ARHGEF10: variants seen among roughly 807,000 people sequenced by gnomAD.
ARHGEF10 encodes the protein Rho guanine nucleotide exchange factor 10.
ARHGEF10 carries 140 observed loss-of-function variants against 147.4 expected under a neutral mutation model. That is an observed-to-expected ratio of 0.95 (90% CI 0.83 to 1.09). ARHGEF10 has a LOEUF of 1.09. Among genes scored for constraint, ARHGEF10 ranks in the 50% least tolerant of loss-of-function variants. ARHGEF10 has a pLI of 0.00. For missense variants in ARHGEF10, 2,222 were observed against 1,752.7 expected (o/e 1.27, Z -4.78); for synonymous variants, 902 against 695.8 (o/e 1.30, Z -4.67).
chr8:1,929,252 A>G, intron 24 of ARHGEF10, 34 bp from the exon 25 acceptor site: 1 of 1,609,738 alleles, frequency 6.2e-7, no homozygotes, highest in Non-Finnish European at 8.5e-7. Context: ...ACAACGAGCA[A>G]ATATATTTAT....
chr8:1,842,756 T>C (rs10102997), intron 1 of ARHGEF10, among the ~76,000 whole-genome samples: 61,352 of 152,124 alleles, frequency 0.4, 13,551 homozygotes, highest in Non-Finnish European at 0.5. Flanking sequence ...CGCTGGCATC[T>C]AGCTCACACT....
chr8:1,956,864 C>T lies in ARHGEF10; in HGVS notation c.3636C>T (p.Pro1212=), dbSNP rs756054028. Reference sequence around the variant, plus strand: ...CCAGGGACAGCCTGGCTCCTGGCCCCGAGCCTCAGGACGAAGACCAGAAGG... The same window carrying T: ...CCAGGGACAGCCTGGCTCCTGGCCCTGAGCCTCAGGACGAAGACCAGAAGG... ...DKSRDSLAPG[P]EPQDEDQKDA... The change falls in exon 29 of 29, where the codon CCC becomes CCT. Residue 1212 remains proline (P), a synonymous_variant. Coordinates refer to ENST00000349830, the MANE Select transcript of ARHGEF10 (RefSeq NM_014629.4). 75 of 1,613,886 alleles carry T rather than the reference C, an allele frequency of 4.6e-5. No homozygotes were observed. Among genetic ancestry groups the T allele is most frequent in the East Asian group, 6.7e-5 (3 of 44,884 alleles).
At chr8:1,891,167 A>G (rs951834429) in intron 11 of ARHGEF10, among the ~76,000 whole-genome samples, 7 of 152,132 alleles carry the variant, frequency 4.6e-5, no homozygotes, top group Non-Finnish European at 1.0e-4. Flanking sequence ...TGGGATTACG[A>G]TTAGAAACTT....
At chr8:1,840,729 A>G (rs1585228936) in intron 1 of ARHGEF10, among the ~76,000 whole-genome samples, 1 of 152,108 alleles carries the variant, frequency 6.6e-6, no homozygotes, top group Non-Finnish European at 1.5e-5. Context: ...CCCTACATTC[A>G]CTGTTGTGGT....
intron 1 of ARHGEF10, among the ~76,000 whole-genome samples, chr8:1,832,522 A>C (rs1260602125): frequency 8.5e-6 from 1 of 117,442 alleles, no homozygotes; most frequent in Non-Finnish European, 1.8e-5. Context: ...ACAGAGACAG[A>C]GGTAGAGAGA....
intron 2 of ARHGEF10, among the ~76,000 whole-genome samples, chr8:1,846,461 C>A (rs756611561): frequency 1.2e-4 from 18 of 152,228 alleles, no homozygotes; most frequent in Non-Finnish European, 2.4e-4. Context: ...GAAGTTACTG[C>A]GACCTCATTT....
At chr8:1,900,680 G>C (rs892324293) in intron 15 of ARHGEF10, among the ~76,000 whole-genome samples, 6 of 152,164 alleles carry the variant, frequency 3.9e-5, no homozygotes, top group Non-Finnish European at 8.8e-5. Context: ...AAATATTTAA[G>C]TTCTCTGAGG....
chr8:1,886,011 G>A (rs1049817582), intron 11 of ARHGEF10, among the ~76,000 whole-genome samples: 1 of 152,156 alleles, frequency 6.6e-6, no homozygotes, highest in African/African-American at 2.4e-5. Flanking sequence ...CATTCTTCGT[G>A]GGAGTCAGTC....
chr8:1,830,025 T>C (rs1802992950), intron 1 of ARHGEF10, among the ~76,000 whole-genome samples: 1 of 152,166 alleles, frequency 6.6e-6, no homozygotes, highest in Admixed American at 6.5e-5. Context: ...GGCTCCGAAG[T>C]GCTCTCTGCC....
intron 14 of ARHGEF10, 78 bp downstream of exon 14, chr8:1,896,527 A>G (rs1809989113): frequency 9.9e-7 from 1 of 1,005,314 alleles, no homozygotes; most frequent in Non-Finnish European, 1.6e-6. Flanking sequence ...CTCTGAATGC[A>G]GTTATTCGTT....
intron 2 of ARHGEF10, among the ~76,000 whole-genome samples, chr8:1,848,658 A>G (rs907245359): frequency 1.3e-5 from 2 of 152,226 alleles, no homozygotes; most frequent in African/African-American, 4.8e-5. Flanking sequence ...ATTACAATGC[A>G]TGTTAATTGT....
At chr8:1,909,241 C>T (rs568771540) in intron 17 of ARHGEF10, 54 bp from the exon 18 acceptor site, 1 of 1,605,470 alleles carries the variant, frequency 6.2e-7, no homozygotes, top group Non-Finnish European at 8.5e-7. Flanking sequence ...ATGAACATTA[C>T]CATAACGTGT....
intron 16 of ARHGEF10, among the ~76,000 whole-genome samples, chr8:1,904,506 G>C (rs912651878): frequency 3.9e-5 from 6 of 152,170 alleles, no homozygotes; most frequent in Admixed American, 2.0e-4. Context: ...AGTGGTTTAT[G>C]TAGGAACGTT....
At chr8:1,856,376 T>A (rs115817642) in intron 2 of ARHGEF10, among the ~76,000 whole-genome samples, 268 of 152,322 alleles carry the variant, frequency 1.8e-3, no homozygotes, top group African/African-American at 6.1e-3. Context: ...CTTGCAGTGG[T>A]AGCTGGATCC....
At chr8:1,929,153 G>T in intron 24 of ARHGEF10, 133 bp from the exon 25 acceptor site, 1 of 978,106 alleles carries the variant, frequency 1.0e-6, no homozygotes, top group South Asian at 1.5e-5. Context: ...TAAAAGTACT[G>T]GCAAGTGTCC....
chr8:1,928,277 A>G, intron 23 of ARHGEF10, 150 bp from the exon 24 acceptor site: 2 of 745,896 alleles, frequency 2.7e-6, no homozygotes, highest in Non-Finnish European at 2.3e-6. Flanking sequence ...TCTGTGAGCA[A>G]TTGTTTAAGA....
At position 1,833,329 on chromosome 8, in the gene ARHGEF10, G is replaced by GAAGC. The variant is rs1803370628; in HGVS notation, c.-48+9217_-48+9218insAGCA. Among the ~76,000 whole-genome samples, 3 of 88,324 alleles carry GAAGC rather than the reference G, an allele frequency of 3.4e-5. 1 individual carries two copies. Among genetic ancestry groups the GAAGC allele is most frequent in the Middle Eastern group, 7.9e-3 (1 of 126 alleles). The allele number at this position is 88,324 out of a possible 152,430, so 57.9% of individuals were successfully genotyped here. Reference sequence around the variant, plus strand: ...GCAGAGACAGAAGCAGAGGGAGACAGAGACAGAGGCAGAGACAGAGGCAGA... The same window carrying GAAGC: ...GCAGAGACAGAAGCAGAGGGAGACAGAAGCAGACAGAGGCAGAGACAGAGGCAGA... On this transcript the variant is annotated intron_variant, in intron 1 of 28. Transcript: ENST00000349830.
At chr8:1,929,613 A>G (rs1204558890) in intron 25 of ARHGEF10, among the ~76,000 whole-genome samples, 170 bp downstream of exon 25, 2 of 151,968 alleles carry the variant, frequency 1.3e-5, no homozygotes, top group African/African-American at 4.8e-5. Flanking sequence ...TTCTTCCCCA[A>G]AAGGTGTTTG....
rs867010964 is a variant in ARHGEF10, at chr8:1,919,408, G to A, written c.2144-3556G>A. ...TGATGGAGCTGTTCCATGGATGATG[G>A]AGCTGTTCCTTGGGTGATGGAGCTG... On this transcript the variant is annotated intron_variant, in intron 18 of 28. Transcript: ENST00000349830. Among the ~76,000 whole-genome samples, 4 of 146,906 alleles carry A rather than the reference G, an allele frequency of 2.7e-5. No homozygotes were observed. The South Asian group carries it at 8.9e-4, about 33-fold the overall frequency.
Sources: gnomAD v4.1 joint callset for allele counts (sites outside exome capture counted in the v4.1 genomes callset) on GRCh38, gnomAD v4.1.1 for gene constraint, MANE v1.5 for transcripts, NCBI Gene and HGNC (gene_info 2026-07-23, HGNC 2026-07-21) for gene names.